The following SLCO1C1 variants were observed in gnomAD, a reference collection of about 807,000 sequenced individuals.
SLCO1C1 encodes solute carrier organic anion transporter family member 1C1, also known as OAT-RP-5.
Under a neutral mutation model 76.4 loss-of-function variants are expected in SLCO1C1, and 70 were observed. The ratio of observed to expected loss-of-function variants is 0.92; its 90% CI spans 0.76 to 1.12. The LOEUF is 1.12. SLCO1C1 is among the 50% of genes most tolerant of loss of function. The pLI, the probability that SLCO1C1 is intolerant of heterozygous loss-of-function variation, is 0.00. For missense variants in SLCO1C1, 912 were observed against 823.8 expected (o/e 1.11, Z -1.31); for synonymous variants, 306 against 286.1 (o/e 1.07, Z -0.70).
At chr12:20,709,324 T>G (rs1053532210) in intron 4 of SLCO1C1, among the ~76,000 whole-genome samples, 2 of 152,200 alleles carry the variant, frequency 1.3e-5, no homozygotes. Flanking sequence ...GTATCACAGA[T>G]AGCAATTAGT....
At chr12:20,748,545 T>A (rs1949151155) in intron 13 of SLCO1C1, among the ~76,000 whole-genome samples, 1 of 152,176 alleles carries the variant, frequency 6.6e-6, no homozygotes, top group African/African-American at 2.4e-5. Context: ...TCTAATATAA[T>A]CCCTCATTCA....
chr12:20,713,526 CAT>C (rs1947233015), intron 5 of SLCO1C1, among the ~76,000 whole-genome samples: 1 of 152,182 alleles, frequency 6.6e-6, no homozygotes, highest in East Asian at 1.9e-4. Flanking sequence ...GAGAATGACT[CAT>C]AACTCAATTA....
chr12:20,708,378 C>A (rs571030632), intron 4 of SLCO1C1, among the ~76,000 whole-genome samples: 3 of 152,168 alleles, frequency 2.0e-5, no homozygotes, highest in African/African-American at 7.2e-5. Context: ...ATAATCTCTG[C>A]CCTCACAGAT....
intron 9 of SLCO1C1, among the ~76,000 whole-genome samples, 180 bp from the exon 10 acceptor site, chr12:20,732,729 A>G (rs999776653): frequency 2.0e-5 from 3 of 152,174 alleles, no homozygotes; most frequent in African/African-American, 7.2e-5. Flanking sequence ...GAGACTGTGC[A>G]GTTGTACCAC....
intron 3 of SLCO1C1, among the ~76,000 whole-genome samples, chr12:20,702,019 C>A (rs1946551741): frequency 6.6e-6 from 1 of 151,918 alleles, no homozygotes; most frequent in South Asian, 2.1e-4. Flanking sequence ...CAATTGACTA[C>A]AGACTCCTTA....
intron 13 of SLCO1C1, among the ~76,000 whole-genome samples, chr12:20,749,090 T>G (rs999409792): frequency 6.6e-6 from 1 of 152,178 alleles, no homozygotes; most frequent in South Asian, 2.1e-4. Context: ...AAAGTTTAGG[T>G]AAACCTTTAC....
intron 10 of SLCO1C1, among the ~76,000 whole-genome samples, chr12:20,734,244 C>T (rs532280759): frequency 6.6e-6 from 1 of 152,138 alleles, no homozygotes; most frequent in Non-Finnish European, 1.5e-5. Context: ...ATAGTTTTGG[C>T]CATCTACAAT....
At chr12:20,746,486 A>T (rs1167382434) in intron 13 of SLCO1C1, among the ~76,000 whole-genome samples, 1 of 152,020 alleles carries the variant, frequency 6.6e-6, no homozygotes, top group Non-Finnish European at 1.5e-5. Flanking sequence ...TTAAAAAAAA[A>T]AATCCTGCCT....
chr12:20,727,016 T>G (rs1948041203), intron 9 of SLCO1C1, among the ~76,000 whole-genome samples: 1 of 152,198 alleles, frequency 6.6e-6, no homozygotes, highest in Non-Finnish European at 1.5e-5. Context: ...TAGCTCCATC[T>G]GTGTTGCTGC....
chr12:20,727,880 T>C (rs1948100900), intron 9 of SLCO1C1, among the ~76,000 whole-genome samples: 1 of 152,226 alleles, frequency 6.6e-6, no homozygotes. Flanking sequence ...TGTTATTTTC[T>C]TGTTGTTTCG....
At chr12:20,705,651 G>C (rs1946737390) in intron 3 of SLCO1C1, among the ~76,000 whole-genome samples, 1 of 152,018 alleles carries the variant, frequency 6.6e-6, no homozygotes, top group African/African-American at 2.4e-5. Flanking sequence ...GGAAGCTAAA[G>C]GGAGCCTTCT....
intron 14 of SLCO1C1, among the ~76,000 whole-genome samples, chr12:20,751,757 C>T (rs1949319181): frequency 6.6e-6 from 1 of 152,140 alleles, no homozygotes; most frequent in Non-Finnish European, 1.5e-5. Context: ...ACCTTAGCAT[C>T]TTCTGACAAA....
chr12:20,739,504 C>T (rs940464881), intron 11 of SLCO1C1, among the ~76,000 whole-genome samples: 12 of 151,312 alleles, frequency 7.9e-5, no homozygotes, highest in South Asian at 4.2e-4. Flanking sequence ...AAGAGCTGCC[C>T]GGGCAGAGAA....
Position 20,730,114 on chromosome 12 carries a change from A to G in SLCO1C1, c.1187-2795A>G, listed in dbSNP as rs542963251. Among the ~76,000 whole-genome samples, 25 of 152,266 alleles carry G rather than the reference A, an allele frequency of 1.6e-4. No homozygotes were observed. In the South Asian group the frequency reaches 2.5e-3, roughly 15 times the overall value. On this transcript the variant is annotated intron_variant, in intron 9 of 14. Transcript: ENST00000266509. ...CCAGGTTCAATTGGTACTTTACAAA[A>G]TAAAATAAAATGCTAGAAACATGCT...
chr12:20,744,374 A>T (rs937925730), intron 13 of SLCO1C1, among the ~76,000 whole-genome samples: 9 of 152,142 alleles, frequency 5.9e-5, no homozygotes, highest in Non-Finnish European at 1.0e-4. Flanking sequence ...AAATTGGCAA[A>T]AGTATCATAA....
chr12:20,701,552 T>A, intron 3 of SLCO1C1, 93 bp downstream of exon 3: 4 of 918,840 alleles, frequency 4.4e-6, no homozygotes, highest in South Asian at 3.6e-5. Flanking sequence ...TCTGCTGGGA[T>A]CAGACTCTAT....
At chr12:20,715,820 C>T (rs1289666267) in intron 6 of SLCO1C1, among the ~76,000 whole-genome samples, 1 of 152,140 alleles carries the variant, frequency 6.6e-6, no homozygotes, top group Non-Finnish European at 1.5e-5. Flanking sequence ...GAGGCTACCT[C>T]ATCTCTGGAA....
At chr12:20,721,681 A>G (rs993075719) in intron 7 of SLCO1C1, 123 bp from the exon 8 acceptor site, 17 of 1,232,574 alleles carry the variant, frequency 1.4e-5, no homozygotes, top group Non-Finnish European at 1.7e-5. Flanking sequence ...AAAAAATAGC[A>G]TAGATGAATT....
intron 11 of SLCO1C1, among the ~76,000 whole-genome samples, chr12:20,738,679 T>G (rs1189297776): frequency 6.6e-6 from 1 of 152,306 alleles, no homozygotes; most frequent in South Asian, 2.1e-4. Flanking sequence ...CACAGCTGCA[T>G]GAAGGTTTTT....
Sources: gnomAD v4.1 joint callset for allele counts (sites outside exome capture counted in the v4.1 genomes callset) on GRCh38, gnomAD v4.1.1 for gene constraint, MANE v1.5 for transcripts, NCBI Gene and HGNC (gene_info 2026-07-23, HGNC 2026-07-21) for gene names.